Variants in MME observed in about 807,000 individuals in gnomAD.
MME encodes membrane metalloendopeptidase.
Under a neutral mutation model 113.2 loss-of-function variants are expected in MME, and 98 were observed. The observed-to-expected ratio is 0.87, with a 90% CI of 0.74 to 1.02. The LOEUF (loss-of-function observed/expected upper bound fraction) is 1.02. MME is among the 50% of genes least tolerant of loss of function. The pLI, the probability that MME is intolerant of heterozygous loss-of-function variation, is 0.00. For missense variants in MME, 836 were observed against 896.0 expected (o/e 0.93, Z 0.86); for synonymous variants, 292 against 300.6 (o/e 0.97, Z 0.30).
chr3:155,116,885 GA>G lies in MME; in HGVS notation c.558del (p.Ala187LeufsTer5). On this transcript the variant is annotated frameshift_variant, in exon 7 of 23. Coordinates refer to ENST00000360490, the MANE Select transcript of MME (RefSeq NM_007289.4). LOFTEE classifies it high-confidence loss of function. ...TGCTTTAGGTGCTTCTTGGACAGCT[GA>G]AAAAGCTATTGCACAACTGAATTCT... ...EQKYGASWTA[E>X]KAIAQLNSKY... 1 of 1,610,984 alleles carries G rather than the reference GA, an allele frequency of 6.2e-7. No individual in the cohort carries two copies. Among genetic ancestry groups the G allele is most frequent in the Non-Finnish European group, 8.5e-7 (1 of 1,177,492 alleles).
chr3:155,165,762 C>T (rs1297863421), intron 17 of MME, among the ~76,000 whole-genome samples: 1 of 152,128 alleles, frequency 6.6e-6, no homozygotes, highest in Non-Finnish European at 1.5e-5. Context: ...AGCTACCTCA[C>T]CCAGCCTCTG....
chr3:155,111,537 G>A (rs977039432), intron 3 of MME, among the ~76,000 whole-genome samples: 1 of 152,148 alleles, frequency 6.6e-6, no homozygotes, highest in African/African-American at 2.4e-5. Flanking sequence ...TGCCCCCTGG[G>A]AGATGTGGGA....
intron 8 of MME, among the ~76,000 whole-genome samples, chr3:155,133,795 TATTTTCCAATATCA>T (rs1423319703): frequency 7.5e-5 from 11 of 147,340 alleles, no homozygotes; most frequent in African/African-American, 1.7e-4. Context: ...GGTATATATA[TATTTTCCAATATCA>T]ATTTTCCAAT....
intron 16 of MME, among the ~76,000 whole-genome samples, chr3:155,159,811 G>A (rs1024634838): frequency 2.6e-5 from 4 of 151,962 alleles, no homozygotes; most frequent in African/African-American, 7.2e-5. Flanking sequence ...TCATTTTAAA[G>A]TCATACAAAA....
intron 3 of MME, among the ~76,000 whole-genome samples, chr3:155,108,299 A>G (rs984342642): frequency 2.6e-5 from 4 of 152,202 alleles, no homozygotes; most frequent in African/African-American, 9.7e-5. Context: ...GATGAACATT[A>G]AAAAAATTAA....
chr3:155,138,054 G>T, intron 8 of MME, 48 bp from the exon 9 acceptor site: 1 of 1,600,722 alleles, frequency 6.2e-7, no homozygotes, highest in Non-Finnish European at 8.6e-7. Context: ...GTACCATGAT[G>T]AATATTTAGA....
At chr3:155,045,430 G>A (rs1014102762) in intron 1 of MME, among the ~76,000 whole-genome samples, 7 of 151,862 alleles carry the variant, frequency 4.6e-5, no homozygotes, top group African/African-American at 9.7e-5. Flanking sequence ...TTACAGGTGT[G>A]AGCCACCACG....
intron 1 of MME, among the ~76,000 whole-genome samples, chr3:155,061,819 C>T (rs1407206767): frequency 2.6e-5 from 4 of 151,900 alleles, no homozygotes; most frequent in Admixed American, 2.0e-4. Flanking sequence ...CTGCCACACT[C>T]TCAGTTAATT....
rs570686309 is a variant in MME at position 155,069,727 on chromosome 3, T to C, written c.-10-14431T>C. 3.9e-5 allele frequency among the ~76,000 whole-genome samples: 6 copies of C among 152,300 alleles called. No individual in the cohort carries two copies. In the East Asian group the frequency reaches 5.8e-4, roughly 15 times the overall value. On this transcript the variant is annotated intron_variant, in intron 1 of 22. Coordinates refer to the MME transcript ENST00000492661. ...AGAAATTAATATCACCCTGAGTTCC[T>C]AGGCAGGAAGAAACTCACTGGGTTT...
At chr3:155,156,768 T>G (rs539889417) in intron 16 of MME, among the ~76,000 whole-genome samples, 6 of 152,272 alleles carry the variant, frequency 3.9e-5, no homozygotes, top group Admixed American at 3.9e-4. Context: ...CGTATTGCAC[T>G]GCTGATTTCA....
chr3:155,068,545 A>G (rs1714458540), intron 1 of MME, among the ~76,000 whole-genome samples: 1 of 152,232 alleles, frequency 6.6e-6, no homozygotes, highest in Non-Finnish European at 1.5e-5. Flanking sequence ...TGGTGTCATG[A>G]TATCAGCTAC....
chr3:155,160,646 A>G (rs1385204337), intron 17 of MME, among the ~76,000 whole-genome samples, 198 bp downstream of exon 17: 2 of 152,070 alleles, frequency 1.3e-5, no homozygotes, highest in African/African-American at 2.4e-5. Context: ...GGTACAAATC[A>G]CGTTAAGTAG....
intron 1 of MME, among the ~76,000 whole-genome samples, chr3:155,069,050 A>C (rs1015025490): frequency 3.9e-5 from 6 of 152,190 alleles, no homozygotes; most frequent in African/African-American, 9.7e-5. Context: ...GAGCCTGTAA[A>C]GTATATAGGT....
chr3:155,159,380 C>A (rs1172469569), intron 16 of MME, among the ~76,000 whole-genome samples: 2 of 151,978 alleles, frequency 1.3e-5, no homozygotes, highest in Non-Finnish European at 2.9e-5. Context: ...TCTCTGACTA[C>A]CTTAAATGTA....
chr3:155,049,288 G>C (rs1713672529), intron 1 of MME, among the ~76,000 whole-genome samples: 1 of 152,046 alleles, frequency 6.6e-6, no homozygotes, highest in Admixed American at 6.6e-5. Flanking sequence ...TCCCAAGAGA[G>C]TACCCTTATA....
At chr3:155,047,379 G>A (rs1161497980) in intron 1 of MME, among the ~76,000 whole-genome samples, 1 of 152,178 alleles carries the variant, frequency 6.6e-6, no homozygotes, top group Non-Finnish European at 1.5e-5. Flanking sequence ...TAGGTGTGTA[G>A]TAAGCTGTAT....
intron 1 of MME, among the ~76,000 whole-genome samples, chr3:155,063,089 T>A (rs1483647178): frequency 7.0e-6 from 1 of 143,668 alleles, no homozygotes; most frequent in Non-Finnish European, 1.5e-5. Context: ...ATGTAATTAA[T>A]GACCTTATTA....
rs564784743 is a variant in MME, at chr3:155,102,022, G to A, written c.197-12972G>A. 4.0e-4 allele frequency among the ~76,000 whole-genome samples: 61 copies of A among 152,176 alleles called. No homozygotes were observed. In the South Asian group the frequency reaches 0.012, roughly 31 times the overall value. On this transcript the variant is annotated intron_variant, in intron 3 of 22. Coordinates refer to ENST00000360490, the MANE Select transcript of MME (RefSeq NM_007289.4). ...CACACCTATTAGGAGGGGGGAATTG[G>A]TCTTTTGTTTTGTTTATTTAGTAAA...
intron 14 of MME, among the ~76,000 whole-genome samples, chr3:155,145,628 G>T (rs139790743): frequency 6.6e-6 from 1 of 152,110 alleles, no homozygotes; most frequent in Non-Finnish European, 1.5e-5. Context: ...TCCCATCCTG[G>T]ATATTTATAA....
Sources: gnomAD v4.1 joint callset for allele counts (sites outside exome capture counted in the v4.1 genomes callset) on GRCh38, gnomAD v4.1.1 for gene constraint, MANE v1.5 for transcripts, NCBI Gene and HGNC (gene_info 2026-07-23, HGNC 2026-07-21) for gene names.